TMEM108: variants seen among roughly 807,000 people sequenced by gnomAD.
TMEM108 encodes the protein transmembrane protein 108.
TMEM108 carries 12 observed loss-of-function variants against 35.1 expected under a neutral mutation model. That is an observed-to-expected ratio of 0.34 (90% CI 0.22 to 0.55). The LOEUF (loss-of-function observed/expected upper bound fraction) is 0.55. TMEM108 is among the 20% of genes least tolerant of loss of function. The probability of loss-of-function intolerance (pLI) is 0.89; values close to 1 mark genes in which losing one functional copy is unlikely to be tolerated. For missense variants in TMEM108, 680 were observed against 753.3 expected (o/e 0.90, Z 1.14); for synonymous variants, 287 against 308.6 (o/e 0.93, Z 0.73).
intron 2 of TMEM108, among the ~76,000 whole-genome samples, chr3:133,106,175 GTTTTTT>G (rs745343008): frequency 1.0e-4 from 9 of 89,694 alleles, no homozygotes; most frequent in African/African-American, 2.9e-4. Flanking sequence ...GAGGTTAAAG[GTTTTTT>G]TTTTTTTTTT....
At chr3:133,351,239 T>G (rs1417756195) in intron 3 of TMEM108, among the ~76,000 whole-genome samples, 2 of 152,138 alleles carry the variant, frequency 1.3e-5, no homozygotes, top group African/African-American at 4.8e-5. Flanking sequence ...AGCTGTTTGC[T>G]CCTGTGAGAC....
In TMEM108 at chr3:133,395,859, C is replaced by G; in HGVS notation, c.1606-5C>G. The G allele has an allele frequency of 6.3e-7, 1 of 1,581,178 alleles. No individual in the cohort carries two copies. Among genetic ancestry groups the G allele is most frequent in the African/African-American group, 1.4e-5 (1 of 73,252 alleles). On this transcript the variant is annotated splice_region_variant and splice_polypyrimidine_tract_variant and intron_variant, in intron 5 of 5. Coordinates refer to ENST00000321871, the MANE Select transcript of TMEM108 (RefSeq NM_023943.4). ...TCACTCCATCTCCTCCCTCTCTCTTCCCAGGACCAGCTCTCAGAGCCCCGC... is the reference window on the plus strand; with the variant it reads ...TCACTCCATCTCCTCCCTCTCTCTTGCCAGGACCAGCTCTCAGAGCCCCGC...
intron 2 of TMEM108, among the ~76,000 whole-genome samples, chr3:133,115,187 G>A (rs1331792785): frequency 6.6e-6 from 1 of 152,208 alleles, no homozygotes; most frequent in Non-Finnish European, 1.5e-5. Flanking sequence ...GATATATTAA[G>A]TGTTCATATG....
intron 4 of TMEM108, among the ~76,000 whole-genome samples, chr3:133,383,826 T>A (rs2073076041): frequency 6.6e-6 from 1 of 152,216 alleles, no homozygotes. Flanking sequence ...GGTAGCCCCT[T>A]GGGAACCGCA....
In TMEM108 at chr3:133,224,264, G is replaced by A. The variant is rs16840072; in HGVS notation, c.-46-5002G>A. ...TGTGGCTCCTAAGGCTGCTGCCTCTGACTGCTTGTGGGTCGCCCTTGACTT... is the reference window on the plus strand; with the variant it reads ...TGTGGCTCCTAAGGCTGCTGCCTCTAACTGCTTGTGGGTCGCCCTTGACTT... On this transcript the variant is annotated intron_variant, in intron 2 of 5. Coordinates refer to ENST00000321871, the MANE Select transcript of TMEM108 (RefSeq NM_023943.4). 9.8e-3 allele frequency among the ~76,000 whole-genome samples: 1,492 copies of A among 152,168 alleles called. 21 individuals are homozygous for A. The highest frequency in any genetic ancestry group is 0.033 in the African/African-American group (1,383 of 41,512).
At chr3:133,181,165 T>C (rs1945338296) in intron 2 of TMEM108, among the ~76,000 whole-genome samples, 1 of 152,158 alleles carries the variant, frequency 6.6e-6, no homozygotes, top group African/African-American at 2.4e-5. Flanking sequence ...AGCCTCGTTA[T>C]TGACACAGGA....
At chr3:133,168,763 A>G (rs1945082785) in intron 2 of TMEM108, among the ~76,000 whole-genome samples, 1 of 152,202 alleles carries the variant, frequency 6.6e-6, no homozygotes, top group Admixed American at 6.5e-5. Flanking sequence ...CGCTCTTTGC[A>G]ATAAATATTG....
intron 3 of TMEM108, among the ~76,000 whole-genome samples, chr3:133,348,216 C>A (rs904110432): frequency 3.3e-5 from 5 of 151,814 alleles, no homozygotes; most frequent in African/African-American, 1.2e-4. Context: ...ATTAGGGTAA[C>A]TAGATAGCCC....
intron 3 of TMEM108, among the ~76,000 whole-genome samples, chr3:133,336,479 C>A (rs1210816301): frequency 6.6e-6 from 1 of 152,044 alleles, no homozygotes; most frequent in Non-Finnish European, 1.5e-5. Flanking sequence ...GCTAGACACC[C>A]TGGGCCTGAA....
chr3:133,207,500 T>A (rs537313587), intron 2 of TMEM108, among the ~76,000 whole-genome samples: 75 of 152,276 alleles, frequency 4.9e-4, no homozygotes, highest in African/African-American at 1.6e-3. Flanking sequence ...CATGTTTGAT[T>A]TACCTGTAAG....
chr3:133,190,928 C>T (rs552564886), intron 2 of TMEM108, among the ~76,000 whole-genome samples: 2 of 152,024 alleles, frequency 1.3e-5, no homozygotes, highest in African/African-American at 4.8e-5. Context: ...TCAAGATATT[C>T]TTTAGCCATT....
chr3:133,073,510 C>CTCTCTCTCTCTCTATATA, intron 2 of TMEM108, among the ~76,000 whole-genome samples: 181 of 43,822 alleles, frequency 4.1e-3, no homozygotes, highest in African/African-American at 5.9e-3. Flanking sequence ...CTCTCTCTCT[C>CTCTCTCTCTCTCTATATA]TATATATATA....
At chr3:133,238,132 C>T (rs1946265384) in intron 3 of TMEM108, among the ~76,000 whole-genome samples, 1 of 152,158 alleles carries the variant, frequency 6.6e-6, no homozygotes, top group South Asian at 2.1e-4. Flanking sequence ...CACACACATA[C>T]ACCACACAAT....
intron 1 of TMEM108, among the ~76,000 whole-genome samples, chr3:133,040,665 G>A (rs1943264929): frequency 6.6e-6 from 1 of 152,182 alleles, no homozygotes; most frequent in Non-Finnish European, 1.5e-5. Context: ...CGGAAGGGAG[G>A]CAGGGATTTT....
At chr3:133,190,169 T>C (rs1576371761) in intron 2 of TMEM108, among the ~76,000 whole-genome samples, 1 of 152,306 alleles carries the variant, frequency 6.6e-6, no homozygotes, top group Non-Finnish European at 1.5e-5. Context: ...TTATTTTTTC[T>C]CTGTTTTTAA....
intron 3 of TMEM108, among the ~76,000 whole-genome samples, chr3:133,325,515 C>T (rs974176366): frequency 1.3e-5 from 2 of 151,978 alleles, no homozygotes; most frequent in Admixed American, 6.6e-5. Context: ...CAACAAATAT[C>T]AATATTTGCA....
intron 2 of TMEM108, among the ~76,000 whole-genome samples, chr3:133,077,481 G>T (rs1362749740): frequency 2.0e-5 from 3 of 152,076 alleles, no homozygotes; most frequent in Admixed American, 2.0e-4. Context: ...TCAGTGAGTT[G>T]TCTGACCCAG....
chr3:133,224,212 G>A (rs550533444), intron 2 of TMEM108, among the ~76,000 whole-genome samples: 25 of 151,890 alleles, frequency 1.6e-4, no homozygotes, highest in African/African-American at 5.8e-4. Flanking sequence ...CATTCTAAAC[G>A]CTCCATAGAT....
In TMEM108 at chr3:133,365,530, G is replaced by C. The variant is rs945868548; in HGVS notation, c.41-14222G>C. ...GAGGATCAGCTAAGCAAATCTCAGA[G>C]GCAAGGAGCCACTTTCTCTTACTCC... is the stretch of plus-strand genomic sequence containing the variant. On this transcript the variant is annotated intron_variant, in intron 3 of 5. Coordinates refer to ENST00000321871, the MANE Select transcript of TMEM108 (RefSeq NM_023943.4). 3.3e-5 allele frequency among the ~76,000 whole-genome samples: 5 copies of C among 152,172 alleles called. No homozygotes were observed. The South Asian group carries it at 1.0e-3, about 32-fold the overall frequency.
Sources: allele counts gnomAD v4.1 joint callset (sites outside exome capture counted in the v4.1 genomes callset), GRCh38; gene constraint gnomAD v4.1.1; transcripts MANE v1.5; gene names NCBI Gene and HGNC (gene_info 2026-07-23, HGNC 2026-07-21).